The following FBP1 variants were observed in gnomAD, a reference collection of about 807,000 sequenced individuals.
The protein encoded by FBP1 is fructose-bisphosphatase 1, also known as fructose-1,6-bisphosphatase 1.
A neutral mutation model predicts 29.9 loss-of-function variants in FBP1; 22 were observed. That is an observed-to-expected ratio of 0.74 (90% CI 0.53 to 1.05). The LOEUF (loss-of-function observed/expected upper bound fraction) is 1.05. Among genes scored for constraint, FBP1 ranks in the 50% least tolerant of loss-of-function variants. FBP1 has a pLI of 0.00. For missense variants in FBP1, 345 were observed against 448.2 expected (o/e 0.77, Z 2.08); for synonymous variants, 175 against 178.6 (o/e 0.98, Z 0.16).
At chr9:94,621,788 C>G (rs1229669002) in intron 1 of FBP1, among the ~76,000 whole-genome samples, 1 of 152,068 alleles carries the variant, frequency 6.6e-6, no homozygotes, top group African/African-American at 2.4e-5. Context: ...AATAGAGAGA[C>G]CCAGCAAGCA....
At chr9:94,633,904 C>T (rs1349159522) in intron 1 of FBP1, among the ~76,000 whole-genome samples, 1 of 151,210 alleles carries the variant, frequency 6.6e-6, no homozygotes. Flanking sequence ...GACGGGGTTT[C>T]ACCGTGTTGG....
intron 1 of FBP1, among the ~76,000 whole-genome samples, chr9:94,629,197 G>T (rs5006547): frequency 0.062 from 9,465 of 151,860 alleles, 373 homozygotes; most frequent in South Asian, 0.15. Context: ...GACCAGGCTG[G>T]TGTCGAACTC....
chr9:94,624,337 C>CAA (rs10717568), intron 1 of FBP1, among the ~76,000 whole-genome samples: 1 of 90,266 alleles, frequency 1.1e-5, no homozygotes, highest in African/African-American at 4.4e-5. Context: ...GACTCCATCT[C>CAA]AAAAAAAAAA....
At chr9:94,633,906 C>T (rs1234390954) in intron 1 of FBP1, among the ~76,000 whole-genome samples, 2 of 151,366 alleles carry the variant, frequency 1.3e-5, no homozygotes, top group Non-Finnish European at 3.0e-5. Context: ...CGGGGTTTCA[C>T]CGTGTTGGCC....
intron 1 of FBP1, among the ~76,000 whole-genome samples, chr9:94,627,491 C>A (rs971646805): frequency 2.0e-5 from 3 of 152,186 alleles, no homozygotes; most frequent in Non-Finnish European, 2.9e-5. Flanking sequence ...GGCTCAGCAG[C>A]CTAGAGTCAA....
At chr9:94,631,792 T>C (rs997769461) in intron 1 of FBP1, among the ~76,000 whole-genome samples, 2 of 152,194 alleles carry the variant, frequency 1.3e-5, no homozygotes, top group African/African-American at 4.8e-5. Context: ...AAGGTAAGAC[T>C]GGCTTGTTAC....
intron 2 of FBP1, among the ~76,000 whole-genome samples, chr9:94,620,108 C>A (rs913750069): frequency 6.6e-6 from 1 of 152,098 alleles, no homozygotes; most frequent in African/African-American, 2.4e-5. Flanking sequence ...TTGTGGGAGT[C>A]CACTGGGGAG....
At chr9:94,607,748 C>T (rs1257618157) in intron 4 of FBP1, among the ~76,000 whole-genome samples, 1 of 152,090 alleles carries the variant, frequency 6.6e-6, no homozygotes, top group Non-Finnish European at 1.5e-5. Context: ...AGGGGCTTGA[C>T]GTTGACACAA....
intron 1 of FBP1, among the ~76,000 whole-genome samples, chr9:94,634,766 G>A (rs537787147): frequency 2.3e-4 from 35 of 152,124 alleles, no homozygotes; most frequent in Admixed American, 8.5e-4. Context: ...CAAAAATGTC[G>A]CCTGGCCAAC....
At position 94,605,725 on chromosome 9, in the gene FBP1, T is replaced by A. The variant is rs1003397130; in HGVS notation, c.706-149A>T. The A allele has an allele frequency of 3.7e-5, 28 of 765,898 alleles. No individual in the cohort carries two copies. In the South Asian group the frequency reaches 4.6e-4, roughly 13 times the overall value. 47.4% of individuals were successfully genotyped at this position (765,898 alleles called of 1,614,324 possible). ...GCTGTGCTAAAAAATGTGATGAGAA[T>A]CCTGTTCCCAATAAATAGAAAATGG... On this transcript the variant is annotated intron_variant, in intron 5 of 6. Transcript: ENST00000375326.
chr9:94,609,855 C>G (rs1827755940), intron 4 of FBP1, 66 bp downstream of exon 4: 2 of 1,565,810 alleles, frequency 1.3e-6, no homozygotes, highest in East Asian at 4.5e-5. Flanking sequence ...TGCCAATCCC[C>G]CACACATATC....
chr9:94,622,323 T>C (rs28369688), intron 1 of FBP1, among the ~76,000 whole-genome samples: 60 of 152,352 alleles, frequency 3.9e-4, no homozygotes, highest in African/African-American at 1.4e-3. Context: ...GGGGAAAAGA[T>C]GGGTCTTTGA....
intron 1 of FBP1, among the ~76,000 whole-genome samples, chr9:94,628,700 A>T (rs1420570306): frequency 6.6e-6 from 1 of 152,220 alleles, no homozygotes; most frequent in Non-Finnish European, 1.5e-5. Flanking sequence ...ACTTCCAGGC[A>T]TGTGTGAATC....
At chr9:94,620,178 G>A in intron 2 of FBP1, 151 bp downstream of exon 2, 2 of 796,976 alleles carry the variant, frequency 2.5e-6, no homozygotes, top group Admixed American at 2.0e-5. Context: ...TCGAGAGATG[G>A]CAGCAGTGAG....
rs1042144 is a variant in FBP1 at position 94,606,869 on chromosome 9, G to A, written c.651C>T (p.Ala217=). 541,181 of 1,613,350 alleles carry A rather than the reference G, an allele frequency of 0.34. 93,705 individuals are homozygous for A. Among genetic ancestry groups the A allele is most frequent in the East Asian group, 0.56 (24,938 of 44,852 alleles). Residue 217 remains alanine (A), a synonymous_variant, in exon 5 of 7, where the codon GCC becomes GCT. Coordinates refer to ENST00000375326, the MANE Select transcript of FBP1 (RefSeq NM_000507.4). The part of the protein sequence containing the change: ...GKIYSLNEGY[A]RDFDPAVTEY... ...CAGTGACGGCAGGGTCAAAGTCCCT[G>A]GCGTAGCCCTCGTTAAGGCTGTAGA...
intron 3 of FBP1, among the ~76,000 whole-genome samples, chr9:94,614,701 G>A (rs1463783696): frequency 6.6e-6 from 1 of 152,062 alleles, no homozygotes; most frequent in Non-Finnish European, 1.5e-5. Flanking sequence ...CACTGGGCGT[G>A]GGCACCATGG....
At chr9:94,604,258 C>A (rs1827658747) in intron 6 of FBP1, among the ~76,000 whole-genome samples, 1 of 151,982 alleles carries the variant, frequency 6.6e-6, no homozygotes, top group East Asian at 1.9e-4. Context: ...AAAGAAGGAG[C>A]CTCAATATTT....
intron 1 of FBP1, among the ~76,000 whole-genome samples, chr9:94,630,227 G>C (rs546282674): frequency 7.2e-5 from 11 of 152,232 alleles, no homozygotes; most frequent in African/African-American, 2.6e-4. Flanking sequence ...TAAATTTAGA[G>C]AGTAATAAAA....
intron 1 of FBP1, among the ~76,000 whole-genome samples, chr9:94,629,255 C>G (rs935109367): frequency 2.0e-5 from 3 of 152,198 alleles, no homozygotes; most frequent in African/African-American, 7.2e-5. Flanking sequence ...GCTGGGATTA[C>G]AGGCGTGAGC....
Sources: gnomAD v4.1 joint callset for allele counts (sites outside exome capture counted in the v4.1 genomes callset) on GRCh38, gnomAD v4.1.1 for gene constraint, MANE v1.5 for transcripts, NCBI Gene and HGNC (gene_info 2026-07-23, HGNC 2026-07-21) for gene names.